GRIK2: variants seen among roughly 807,000 people sequenced by gnomAD.
The protein encoded by GRIK2 is glutamate ionotropic receptor kainate type subunit 2, also known as glutamate receptor ionotropic, kainate 2.
In GRIK2, 32 loss-of-function variants were observed where a neutral mutation model predicts 100.3. That is an observed-to-expected ratio of 0.32 (90% CI 0.24 to 0.43). The LOEUF (loss-of-function observed/expected upper bound fraction) is 0.43, where lower values mean the gene tolerates loss of function less well. GRIK2 is among the 20% of genes least tolerant of loss of function. The pLI is 1.00. For synonymous variants in GRIK2, 417 were observed against 389.4 expected (o/e 1.07, Z -0.83); for missense variants, 843 against 1,114.9 (o/e 0.76, Z 3.47).
At chr6:101,789,295 G>C (rs558652782) in intron 7 of GRIK2, among the ~76,000 whole-genome samples, 2 of 152,148 alleles carry the variant, frequency 1.3e-5, no homozygotes, top group Non-Finnish European at 2.9e-5. Context: ...CCTATGTCCT[G>C]AATGGCAATG....
chr6:101,845,005 G>GT (rs951232090), intron 10 of GRIK2, among the ~76,000 whole-genome samples: 49 of 147,620 alleles, frequency 3.3e-4, no homozygotes, highest in East Asian at 2.5e-3. Context: ...TTGTTTGTTT[G>GT]TTGTTGTTGT....
intron 4 of GRIK2, among the ~76,000 whole-genome samples, chr6:101,657,714 T>G (rs1170947934): frequency 6.6e-6 from 1 of 152,176 alleles, no homozygotes; most frequent in Non-Finnish European, 1.5e-5. Flanking sequence ...TGGCATATGT[T>G]TGATAGCAAC....
intron 2 of GRIK2, among the ~76,000 whole-genome samples, chr6:101,577,140 TAC>T (rs1457432766): frequency 6.7e-6 from 1 of 150,354 alleles, no homozygotes; most frequent in Non-Finnish European, 1.5e-5. Flanking sequence ...ATATCTGGGT[TAC>T]AGTTAGTTGC....
At chr6:101,651,157 A>G (rs950983764) in intron 4 of GRIK2, among the ~76,000 whole-genome samples, 2 of 152,128 alleles carry the variant, frequency 1.3e-5, no homozygotes, top group East Asian at 3.9e-4. Flanking sequence ...GAATAATTCA[A>G]ATTGAGCCCA....
At chr6:101,964,554 GAC>G (rs1280598825) in intron 14 of GRIK2, among the ~76,000 whole-genome samples, 3 of 152,278 alleles carry the variant, frequency 2.0e-5, no homozygotes, top group East Asian at 1.9e-4. Context: ...TCAAACCCGT[GAC>G]CAGGGGGTCT....
At chr6:102,022,699 T>C (rs1769493490) in intron 14 of GRIK2, among the ~76,000 whole-genome samples, 1 of 151,698 alleles carries the variant, frequency 6.6e-6, no homozygotes, top group African/African-American at 2.4e-5. Flanking sequence ...TTCAATATTA[T>C]ATTTTTTATA....
intron 2 of GRIK2, among the ~76,000 whole-genome samples, chr6:101,418,590 T>C (rs1440526147): frequency 1.3e-5 from 2 of 152,170 alleles, no homozygotes; most frequent in Non-Finnish European, 2.9e-5. Context: ...ACCTGATCTT[T>C]CCAAGGGAGT....
At chr6:101,844,342 G>A (rs1302954008) in intron 10 of GRIK2, among the ~76,000 whole-genome samples, 3 of 152,212 alleles carry the variant, frequency 2.0e-5, no homozygotes, top group South Asian at 4.1e-4. Context: ...GAAAAAAGAT[G>A]GGAGAATGTT....
rs755522043 is a variant in GRIK2, at chr6:101,998,812, C to CTTT, written c.2086-36512_2086-36510dup. Among the ~76,000 whole-genome samples the CTTT allele has an allele frequency of 2.0e-4, 22 of 110,070 alleles. 1 individual carries two copies. The highest frequency in any genetic ancestry group is 6.5e-4 in the South Asian group (2 of 3,080). The allele number at this position is 110,070 out of a possible 152,430, so 72.2% of individuals were successfully genotyped here. ...TGTGTGAGTTTTTCTTTTTTCTTTT[C>CTTT]TTTTTTTTTTTTTTTTTTTGAGTTG... On this transcript the variant is annotated intron_variant, in intron 14 of 16. Coordinates refer to ENST00000369134, the MANE Select transcript of GRIK2 (RefSeq NM_021956.5).
At chr6:101,419,901 T>C (rs867940283) in intron 2 of GRIK2, among the ~76,000 whole-genome samples, 4 of 152,342 alleles carry the variant, frequency 2.6e-5, no homozygotes, top group Admixed American at 6.5e-5. Flanking sequence ...CTTGGCAGGA[T>C]GAGACATTGC....
In GRIK2 at chr6:101,612,446, G is replaced by A. The variant is rs9485521; in HGVS notation, c.116-9503G>A. On this transcript the variant is annotated intron_variant, in intron 2 of 16. Coordinates refer to ENST00000369134, the MANE Select transcript of GRIK2 (RefSeq NM_021956.5). ...TAAAATACACAGTGCCTGATGTAGC[G>A]TATGATGTCAATAAATGTTGACTGT... Among the ~76,000 whole-genome samples, 163 of 151,902 alleles carry A rather than the reference G, an allele frequency of 1.1e-3. 1 individual carries two copies. The highest frequency in any genetic ancestry group is 3.8e-3 in the African/African-American group (158 of 41,490).
rs147852466 is a variant in GRIK2 at position 101,701,360 on chromosome 6, T to C, written c.951+15007T>C. ...GAACAGCCTGTGCCTTCGTAGTACC[T>C]GTGTCAGGGGTCTTACGAATAATGC... On this transcript the variant is annotated intron_variant, in intron 7 of 16. Coordinates refer to ENST00000369134, the MANE Select transcript of GRIK2 (RefSeq NM_021956.5). Among the ~76,000 whole-genome samples the C allele has an allele frequency of 7.9e-5, 12 of 152,198 alleles. No homozygotes were observed. In the East Asian group the frequency reaches 2.1e-3, roughly 27 times the overall value.
intron 2 of GRIK2, among the ~76,000 whole-genome samples, chr6:101,472,516 T>C (rs932421994): frequency 1.3e-5 from 2 of 151,900 alleles, no homozygotes; most frequent in Admixed American, 6.6e-5. Flanking sequence ...ACAAATGTAC[T>C]GTGTGGTTGT....
At chr6:101,970,321 T>G (rs1792965044) in intron 14 of GRIK2, among the ~76,000 whole-genome samples, 1 of 151,962 alleles carries the variant, frequency 6.6e-6, no homozygotes, top group African/African-American at 2.4e-5. Flanking sequence ...AGGATGGTTC[T>G]TGCCATCACC....
intron 14 of GRIK2, among the ~76,000 whole-genome samples, chr6:102,007,378 AG>A (rs1363362531): frequency 1.3e-5 from 2 of 152,178 alleles, no homozygotes; most frequent in Non-Finnish European, 2.9e-5. Flanking sequence ...AACTGGATAA[AG>A]GAAAGATAAA....
intron 16 of GRIK2, among the ~76,000 whole-genome samples, chr6:102,062,522 C>G (rs1771804822): frequency 6.7e-6 from 1 of 150,364 alleles, no homozygotes; most frequent in Non-Finnish European, 1.5e-5. Context: ...TCAGTAGGAT[C>G]ACGAAAGATG....
intron 10 of GRIK2, among the ~76,000 whole-genome samples, chr6:101,819,943 C>T (rs1726792882): frequency 6.6e-6 from 1 of 152,110 alleles, no homozygotes. Context: ...CCTTATTGAC[C>T]ATTAAAAAGC....
At chr6:101,834,281 G>A (rs1350407104) in intron 10 of GRIK2, among the ~76,000 whole-genome samples, 1 of 151,756 alleles carries the variant, frequency 6.6e-6, no homozygotes, top group Admixed American at 6.6e-5. Flanking sequence ...TATTACTGTT[G>A]CTTTTACTAA....
chr6:101,807,775 C>T (rs1412353500), intron 9 of GRIK2, among the ~76,000 whole-genome samples: 1 of 151,830 alleles, frequency 6.6e-6, no homozygotes, highest in Non-Finnish European at 1.5e-5. Flanking sequence ...GGGTAGATTG[C>T]CTGCTGAGAT....
Sources: allele counts gnomAD v4.1 joint callset (sites outside exome capture counted in the v4.1 genomes callset), GRCh38; gene constraint gnomAD v4.1.1; transcripts MANE v1.5; gene names NCBI Gene and HGNC (gene_info 2026-07-23, HGNC 2026-07-21).